LYAR: variants seen among roughly 807,000 people sequenced by gnomAD.
LYAR encodes the protein Ly1 antibody reactive.
Under a neutral mutation model 45.2 loss-of-function variants are expected in LYAR, and 37 were observed. The ratio of observed to expected loss-of-function variants is 0.82; its 90% CI spans 0.63 to 1.08. The LOEUF (loss-of-function observed/expected upper bound fraction) is 1.08, where lower values mean the gene tolerates loss of function less well. Among genes scored for constraint, LYAR ranks in the 50% least tolerant of loss-of-function variants. The pLI is 0.00. For synonymous variants in LYAR, 176 were observed against 155.1 expected, an observed-to-expected ratio of 1.14 and a Z score of -1.00; for missense variants, 493 against 451.0, an observed-to-expected ratio of 1.09 and a Z score of -0.84.
At chr4:4,280,301 T>G (rs918789211) in intron 4 of LYAR, among the ~76,000 whole-genome samples, 7 of 152,192 alleles carry the variant, frequency 4.6e-5, no homozygotes, top group African/African-American at 1.7e-4. Flanking sequence ...TCCGTACTCA[T>G]GGACTGGGAG....
intron 7 of LYAR, among the ~76,000 whole-genome samples, 168 bp from the exon 8 acceptor site, chr4:4,273,837 A>G (rs1008216255): frequency 4.7e-4 from 71 of 152,210 alleles, no homozygotes; most frequent in Admixed American, 4.6e-3. Flanking sequence ...ATCCTCCTCC[A>G]TGCTGGAGAT....
In LYAR at chr4:4,268,579, A is replaced by T; in HGVS notation, c.956T>A (p.Leu319Gln). 6.2e-7 allele frequency: 1 copy of T among 1,612,242 alleles called. No homozygotes were observed. Among genetic ancestry groups the T allele is most frequent in the Non-Finnish European group, 8.5e-7 (1 of 1,178,782 alleles). Residue 319 changes from leucine to glutamine, a missense_variant, in exon 9 of 10, where the codon CTG becomes CAG. By Grantham distance (113) the Leu-to-Gln change is moderately radical. Transcript: ENST00000343470. Reference protein sequence around the residue: ...FNWKGTIKAILKQAPDNEITI... With the variant: ...FNWKGTIKAIQKQAPDNEITI... The stretch of plus-strand genomic sequence containing the variant: ...TATTTCATTGTCTGGGGCCTGTTTC[A>T]GAATTGCTTTAATAGTTCCCTTCCA...
intron 4 of LYAR, 98 bp from the exon 5 acceptor site, chr4:4,279,847 C>T: frequency 1.4e-6 from 1 of 720,904 alleles, no homozygotes; most frequent in Non-Finnish European, 2.4e-6. Flanking sequence ...CTAAAGCGTT[C>T]ACGTTTTAAG....
rs764385772 is a variant in LYAR at position 4,274,653 on chromosome 4, C to T, written c.546G>A (p.Gly182=). 5.0e-6 allele frequency: 8 copies of T among 1,614,110 alleles called. No homozygotes were observed. The highest frequency in any genetic ancestry group is 5.9e-6 in the Non-Finnish European group (7 of 1,180,038). ...SKVKDAVEQQ[G]EVKKNKRERK... ...TTTCTCTTTTATTCTTCTTCACCTC[C>T]CCTTGCTGTTCCACGGCGTCTTTCA... Residue 182 remains glycine, a synonymous_variant, in exon 7 of 10, where the codon GGG becomes GGA. Transcript: ENST00000343470.
intron 1 of LYAR, among the ~76,000 whole-genome samples, chr4:4,289,099 T>C (rs994587653): frequency 6.6e-6 from 1 of 152,170 alleles, no homozygotes; most frequent in Non-Finnish European, 1.5e-5. Context: ...AACCTTTGTG[T>C]ATGAGGCTGA....
At chr4:4,288,339 T>A (rs1719696208) in intron 1 of LYAR, among the ~76,000 whole-genome samples, 1 of 152,162 alleles carries the variant, frequency 6.6e-6, no homozygotes, top group Non-Finnish European at 1.5e-5. Context: ...ATAAATTCAC[T>A]CCAACCTTCT....
intron 4 of LYAR, 35 bp downstream of exon 4, chr4:4,281,748 A>G (rs1719400059): frequency 6.8e-7 from 1 of 1,471,158 alleles, no homozygotes; most frequent in African/African-American, 1.4e-5. Context: ...GGAAGCTGTC[A>G]GAGGAAGCTA....
chr4:4,268,710 G>T, intron 8 of LYAR, 95 bp from the exon 9 acceptor site: 1 of 748,518 alleles, frequency 1.3e-6, no homozygotes, highest in Non-Finnish European at 2.2e-6. Flanking sequence ...TGCTTCCCAG[G>T]AAATGAGCTA....
chr4:4,286,407 C>T (rs886125247), intron 2 of LYAR, 112 bp downstream of exon 2: 13 of 152,202 alleles, frequency 8.5e-5, no homozygotes, highest in African/African-American at 1.9e-4. Flanking sequence ...GCTTAATATT[C>T]GTAAGCGTAA....
intron 7 of LYAR, 137 bp downstream of exon 7, chr4:4,274,229 TC>T (rs1719076311): frequency 1.0e-6 from 1 of 985,112 alleles, no homozygotes; most frequent in African/African-American, 1.6e-5. Flanking sequence ...AGAGCAAGAC[TC>T]CGTCTCAAAA....
intron 7 of LYAR, 113 bp from the exon 8 acceptor site, chr4:4,273,782 C>T: frequency 1.6e-6 from 1 of 631,344 alleles, no homozygotes; most frequent in South Asian, 1.9e-5. Context: ...CTCATTTCTT[C>T]TCCAAGCTGC....
intron 8 of LYAR, among the ~76,000 whole-genome samples, chr4:4,272,415 T>C (rs1479079760): frequency 6.6e-6 from 1 of 152,252 alleles, no homozygotes; most frequent in African/African-American, 2.4e-5. Flanking sequence ...ACAATGGTAC[T>C]GAACCCCTAT....
At chr4:4,273,050 C>G (rs1479915737) in intron 8 of LYAR, among the ~76,000 whole-genome samples, 1 of 152,082 alleles carries the variant, frequency 6.6e-6, no homozygotes, top group Admixed American at 6.6e-5. Flanking sequence ...CAGAAACAGG[C>G]CCAGAGATGG....
intron 6 of LYAR, 130 bp from the exon 7 acceptor site, chr4:4,274,899 T>C (rs542320594): frequency 2.4e-6 from 2 of 826,676 alleles, no homozygotes. Flanking sequence ...TATCGTTTTA[T>C]AACTGTGACC....
chr4:4,270,852 C>A (rs1718903430), intron 8 of LYAR, among the ~76,000 whole-genome samples: 3 of 152,186 alleles, frequency 2.0e-5, no homozygotes, highest in Admixed American at 2.0e-4. Context: ...TGTACAGAGA[C>A]TCCTGAAACA....
At chr4:4,283,376 C>A (rs1271689566) in intron 3 of LYAR, among the ~76,000 whole-genome samples, 1 of 152,190 alleles carries the variant, frequency 6.6e-6, no homozygotes, top group Non-Finnish European at 1.5e-5. Context: ...GTCTTCAACT[C>A]CTGACCTCAT....
chr4:4,268,175 G>A, intron 9 of LYAR, 152 bp from the exon 10 acceptor site: 1 of 599,524 alleles, frequency 1.7e-6, no homozygotes, highest in Non-Finnish European at 2.6e-6. Context: ...AACCCAGGCG[G>A]CAGCCACGTG....
At chr4:4,288,406 A>T (rs3775345) in intron 1 of LYAR, among the ~76,000 whole-genome samples, 5 of 151,348 alleles carry the variant, frequency 3.3e-5, no homozygotes, top group Non-Finnish European at 5.9e-5. Flanking sequence ...ACATGCCCTT[A>T]GGTTTGGTTC....
intron 6 of LYAR, among the ~76,000 whole-genome samples, chr4:4,276,611 C>A (rs1483495609): frequency 2.0e-5 from 3 of 151,026 alleles, no homozygotes; most frequent in Non-Finnish European, 4.4e-5. Context: ...AATCCCAGCA[C>A]TTTGGGAGGC....
Sources: allele counts gnomAD v4.1 joint callset (sites outside exome capture counted in the v4.1 genomes callset), GRCh38; gene constraint gnomAD v4.1.1; transcripts MANE v1.5; gene names NCBI Gene and HGNC (gene_info 2026-07-23, HGNC 2026-07-21).